ASIC2: variants seen among roughly 807,000 people sequenced by gnomAD.
The protein encoded by ASIC2 is acid-sensing ion channel 2.
ASIC2 carries 25 observed loss-of-function variants against 57.3 expected under a neutral mutation model. The ratio of observed to expected loss-of-function variants is 0.44; its 90% CI spans 0.32 to 0.61. The LOEUF is 0.61. Among genes scored for constraint, ASIC2 ranks in the 20% least tolerant of loss-of-function variants. The pLI is 0.06. For synonymous variants in ASIC2, 319 were observed against 307.5 expected (o/e 1.04, Z -0.39); for missense variants, 641 against 738.1 (o/e 0.87, Z 1.52).
chr17:33,677,336 A>T (rs1445065747), intron 1 of ASIC2, among the ~76,000 whole-genome samples: 2 of 152,212 alleles, frequency 1.3e-5, no homozygotes, highest in African/African-American at 4.8e-5. Flanking sequence ...GCCAATGCTC[A>T]TTCACCATTT....
At chr17:33,519,510 G>A (rs999244287) in intron 1 of ASIC2, among the ~76,000 whole-genome samples, 2 of 152,110 alleles carry the variant, frequency 1.3e-5, no homozygotes, top group Non-Finnish European at 1.5e-5. Flanking sequence ...TTCAAATCTG[G>A]ATTTCTATGC....
chr17:34,109,345 G>A (rs1911185548), intron 1 of ASIC2, among the ~76,000 whole-genome samples: 1 of 151,940 alleles, frequency 6.6e-6, no homozygotes, highest in Admixed American at 6.6e-5. Context: ...TCTGCTTCTG[G>A]GCTGCCACTT....
intron 1 of ASIC2, among the ~76,000 whole-genome samples, chr17:33,628,879 CTGATACCAAATCCCA>C (rs1906071641): frequency 1.3e-5 from 2 of 152,326 alleles, no homozygotes; most frequent in South Asian, 4.1e-4. Flanking sequence ...TCCACTTTGC[CTGATACCAAATCCCA>C]TGCTCTTAGC....
intron 2 of ASIC2, among the ~76,000 whole-genome samples, chr17:33,102,771 T>C (rs1000976346): frequency 2.0e-5 from 3 of 151,976 alleles, no homozygotes; most frequent in South Asian, 2.1e-4. Context: ...AATTTATTTG[T>C]TTGTTTGTTT....
intron 1 of ASIC2, among the ~76,000 whole-genome samples, chr17:33,412,213 G>A (rs1251682095): frequency 1.3e-5 from 2 of 152,328 alleles, no homozygotes; most frequent in South Asian, 4.1e-4. Context: ...GGAGAGAAGA[G>A]TTTATTGTAT....
chr17:33,881,797 G>A (rs1027033408), intron 1 of ASIC2, among the ~76,000 whole-genome samples: 1 of 152,090 alleles, frequency 6.6e-6, no homozygotes, highest in Non-Finnish European at 1.5e-5. Context: ...AGCCCTCATT[G>A]CCAAGTCAAT....
At chr17:33,286,134 C>T (rs972893405) in intron 1 of ASIC2, among the ~76,000 whole-genome samples, 2 of 152,246 alleles carry the variant, frequency 1.3e-5, no homozygotes, top group Admixed American at 6.5e-5. Context: ...TGATTTTAAA[C>T]AATATGTTGC....
intron 1 of ASIC2, chr17:34,079,201 C>T (rs1909788027): frequency 6.6e-6 from 1 of 152,256 alleles, no homozygotes; most frequent in Non-Finnish European, 1.5e-5. Context: ...CCACAGTTTT[C>T]AGGATAGAAA....
chr17:33,959,753 C>A (rs1261154631), intron 1 of ASIC2, among the ~76,000 whole-genome samples: 4 of 152,260 alleles, frequency 2.6e-5, no homozygotes, highest in African/African-American at 9.6e-5. Context: ...GAAGGTTGGT[C>A]TGCCTCTCCC....
chr17:33,882,223 C>A (rs1001151186), intron 1 of ASIC2, among the ~76,000 whole-genome samples: 2 of 152,144 alleles, frequency 1.3e-5, no homozygotes, highest in Non-Finnish European at 2.9e-5. Context: ...GTCTAAAACA[C>A]CAAAAGCAAT....
At chr17:33,247,966 T>C (rs751682534) in intron 1 of ASIC2, among the ~76,000 whole-genome samples, 3 of 152,154 alleles carry the variant, frequency 2.0e-5, no homozygotes, top group Non-Finnish European at 4.4e-5. Context: ...AAACAGAATA[T>C]ATTTGATATA....
intron 1 of ASIC2, among the ~76,000 whole-genome samples, chr17:33,299,654 C>T (rs2142192793): frequency 6.6e-6 from 1 of 152,164 alleles, no homozygotes; most frequent in South Asian, 2.1e-4. Flanking sequence ...TGACTTCAAG[C>T]TCTCAGCTCC....
At chr17:33,133,567 A>G (rs1383873452) in intron 1 of ASIC2, among the ~76,000 whole-genome samples, 2 of 152,244 alleles carry the variant, frequency 1.3e-5, no homozygotes, top group Non-Finnish European at 2.9e-5. Context: ...ATATTCTACC[A>G]TAAACAAATG....
chr17:33,416,417 C>G (rs1391673326), intron 1 of ASIC2, among the ~76,000 whole-genome samples: 1 of 152,200 alleles, frequency 6.6e-6, no homozygotes, highest in African/African-American at 2.4e-5. Flanking sequence ...GTGGCATCAC[C>G]AATCTTCTCT....
chr17:33,273,055 G>A (rs1904569602), intron 1 of ASIC2, among the ~76,000 whole-genome samples: 1 of 152,120 alleles, frequency 6.6e-6, no homozygotes, highest in African/African-American at 2.4e-5. Context: ...ATTGCCCCGA[G>A]TTTGTACATT....
intron 1 of ASIC2, among the ~76,000 whole-genome samples, chr17:33,820,554 T>C (rs1912712767): frequency 6.6e-6 from 1 of 152,198 alleles, no homozygotes. Flanking sequence ...TATACGTGTA[T>C]ACAAGTCAGT....
chr17:33,997,745 C>A (rs1015489530), intron 1 of ASIC2, among the ~76,000 whole-genome samples: 7 of 150,726 alleles, frequency 4.6e-5, no homozygotes, highest in African/African-American at 1.7e-4. Context: ...AGTATATGAT[C>A]CTTCTGAGGT....
intron 1 of ASIC2, among the ~76,000 whole-genome samples, chr17:33,479,241 C>T (rs1048513393): frequency 3.9e-5 from 6 of 152,068 alleles, no homozygotes; most frequent in African/African-American, 7.2e-5. Flanking sequence ...TCAGGTGATC[C>T]GCCCACCTCA....
intron 1 of ASIC2, among the ~76,000 whole-genome samples, chr17:33,555,379 C>A (rs1277997166): frequency 1.3e-5 from 2 of 151,720 alleles, no homozygotes; most frequent in Non-Finnish European, 2.9e-5. Context: ...AAGAATGATA[C>A]TATTTGTTTG....
Sources: allele counts gnomAD v4.1 joint callset (sites outside exome capture counted in the v4.1 genomes callset), GRCh38; gene constraint gnomAD v4.1.1; transcripts MANE v1.5; gene names NCBI Gene and HGNC (gene_info 2026-07-23, HGNC 2026-07-21).